The following TDO2 variants were observed in gnomAD, a reference collection of about 807,000 sequenced individuals.
TDO2 encodes tryptophan 2,3-dioxygenase, also known as tryptamin 2,3-dioxygenase.
In TDO2, 63 loss-of-function variants were observed where a neutral mutation model predicts 61.2. That is an observed-to-expected ratio of 1.03 (90% CI 0.84 to 1.27). TDO2 has a LOEUF of 1.27. Ranked by LOEUF, TDO2 falls within the 50% of genes most tolerant of loss-of-function variation. The probability of loss-of-function intolerance (pLI) is 0.00; values close to 1 mark genes in which losing one functional copy is unlikely to be tolerated. For synonymous variants in TDO2, 183 were observed against 164.0 expected, an observed-to-expected ratio of 1.12 and a Z score of -0.89; for missense variants, 494 against 469.5, an observed-to-expected ratio of 1.05 and a Z score of -0.48.
intron 11 of TDO2, 41 bp from the exon 12 acceptor site, chr4:155,919,796 A>G (rs932177359): frequency 3.1e-5 from 48 of 1,534,982 alleles, no homozygotes; most frequent in South Asian, 3.8e-5. Context: ...TAAATATTTC[A>G]TGTCAACCAA....
rs1276168500 is a variant in TDO2, at chr4:155,908,873, T to C, written c.304-14T>C. 6 of 1,606,934 alleles carry C rather than the reference T, an allele frequency of 3.7e-6. No individual in the cohort carries two copies. In the African/African-American group the frequency reaches 6.7e-5, roughly 18 times the overall value. On this transcript the variant is annotated splice_polypyrimidine_tract_variant and intron_variant, in intron 4 of 11. Transcript: ENST00000536354. Reference sequence around the variant, plus strand: ...CAGCATTGCTAACTCAGTGTTTCATTTCTTAACCTTCAGGTCAGAGATGAA... The same window carrying C: ...CAGCATTGCTAACTCAGTGTTTCATCTCTTAACCTTCAGGTCAGAGATGAA...
At chr4:155,913,907 A>G (rs1440141989) in intron 7 of TDO2, among the ~76,000 whole-genome samples, 1 of 152,158 alleles carries the variant, frequency 6.6e-6, no homozygotes, top group African/African-American at 2.4e-5. Context: ...AACACTGAAT[A>G]TAGAACATAG....
chr4:155,916,995 CA>C (rs549116374), intron 9 of TDO2, among the ~76,000 whole-genome samples: 6 of 151,154 alleles, frequency 4.0e-5, no homozygotes, highest in East Asian at 3.9e-4. Flanking sequence ...AAAAACAAAA[CA>C]AAAAAACAAA....
At chr4:155,912,777 C>T (rs1742857861) in intron 7 of TDO2, among the ~76,000 whole-genome samples, 1 of 152,088 alleles carries the variant, frequency 6.6e-6, no homozygotes, top group Non-Finnish European at 1.5e-5. Context: ...CCTTAGATTT[C>T]AGAACATGTA....
chr4:155,914,172 T>G (rs370056897), intron 7 of TDO2, 151 bp from the exon 8 acceptor site: 1 of 570,244 alleles, frequency 1.8e-6, no homozygotes. Flanking sequence ...TCATAAGACA[T>G]AATTTCCAAA....
chr4:155,919,909 G>T lies in TDO2; in HGVS notation c.1140G>T (p.Lys380Asn). ...TGATTCCCCGACACTGGATACCGAAGATGAACCCAACCATTCACAAATTTC... is the reference window on the plus strand; with the variant it reads ...TGATTCCCCGACACTGGATACCGAATATGAACCCAACCATTCACAAATTTC... The part of the protein sequence containing the change: ...TYLIPRHWIP[K>N]MNPTIHKFLY... Residue 380 changes from lysine (K) to asparagine (N), a missense_variant, in exon 12 of 12, where the codon AAG becomes AAT. Coordinates refer to ENST00000536354, the MANE Select transcript of TDO2 (RefSeq NM_005651.4). 3.1e-6 allele frequency: 5 copies of T among 1,613,668 alleles called. No homozygotes were observed. The South Asian group carries it at 5.5e-5, about 18-fold the overall frequency.
chr4:155,911,648 T>A (rs746731301), intron 7 of TDO2, 44 bp downstream of exon 7: 1 of 1,283,388 alleles, frequency 7.8e-7, no homozygotes, highest in South Asian at 1.7e-5. Flanking sequence ...TACAGAAATA[T>A]TCAAAATTTT....
chr4:155,906,846 T>C (rs1416919699), intron 3 of TDO2: 3 of 152,314 alleles, frequency 2.0e-5, no homozygotes, highest in Non-Finnish European at 2.9e-5. Context: ...ATTTTGCAAA[T>C]GAATCAACTG....
intron 8 of TDO2, among the ~76,000 whole-genome samples, 170 bp from the exon 9 acceptor site, chr4:155,915,682 ATTT>A (rs1349639496): frequency 1.3e-5 from 2 of 152,184 alleles, no homozygotes; most frequent in Non-Finnish European, 2.9e-5. Context: ...TTAAAATTGT[ATTT>A]TAAGTGATAT....
Position 155,917,486 on chromosome 4 carries a change from C to G in TDO2, c.976+12C>G, listed in dbSNP as rs1427318653. The G allele has an allele frequency of 1.9e-6, 3 of 1,599,028 alleles. No individual in the cohort carries two copies. The highest frequency in any genetic ancestry group is 2.6e-6 in the Non-Finnish European group (3 of 1,173,228). On this transcript the variant is annotated intron_variant, in intron 10 of 11. Coordinates refer to ENST00000536354, the MANE Select transcript of TDO2 (RefSeq NM_005651.4). Reference sequence around the variant, plus strand: ...GACCAAATGGAGATGTAAGTCCTTCCCACTCACCCCATGTTGCTTCCCCAC... The same window carrying G: ...GACCAAATGGAGATGTAAGTCCTTCGCACTCACCCCATGTTGCTTCCCCAC...
chr4:155,911,662 T>TG, intron 7 of TDO2, 58 bp downstream of exon 7: 1 of 1,221,610 alleles, frequency 8.2e-7, no homozygotes. Flanking sequence ...AAATTTTATT[T>TG]TAATTATTTT....
At chr4:155,918,316 A>T (rs1430643388) in intron 11 of TDO2, 77 bp downstream of exon 11, 1 of 1,349,176 alleles carries the variant, frequency 7.4e-7, no homozygotes, top group Non-Finnish European at 1.0e-6. Flanking sequence ...TTTGCTATCT[A>T]AAAAAAGCCA....
At position 155,917,407 on chromosome 4, in the gene TDO2, G is replaced by A. The variant is rs532390184; in HGVS notation, c.909G>A (p.Arg303=). Reference sequence around the variant, plus strand: ...TTTTTTCCTTTAGGGAAGAGCCTAGGTTCCAGGTGCCTTTTCAGTTGCTGA... The same window carrying A: ...TTTTTTCCTTTAGGGAAGAGCCTAGATTCCAGGTGCCTTTTCAGTTGCTGA... The part of the protein sequence containing the change: ...LMIYFYREEP[R]FQVPFQLLTS... Residue 303 remains arginine (R), a synonymous_variant, in exon 10 of 12, where the codon AGG becomes AGA. Coordinates refer to ENST00000536354, the MANE Select transcript of TDO2 (RefSeq NM_005651.4). The A allele has an allele frequency of 3.7e-6, 6 of 1,610,016 alleles. No homozygotes were observed. Among genetic ancestry groups the A allele is most frequent in the Admixed American group, 3.4e-5 (2 of 59,144 alleles).
chr4:155,905,737 A>G (rs1742707143), intron 3 of TDO2: 1 of 152,250 alleles, frequency 6.6e-6, no homozygotes, highest in Non-Finnish European at 1.5e-5. Context: ...AAATATTAGT[A>G]ACATTTACTT....
chr4:155,918,183 C>A lies in TDO2; in HGVS notation c.1011C>A (p.Gly337=). Residue 337 remains glycine, a synonymous_variant, in exon 11 of 12, where the codon GGC becomes GGA. Coordinates refer to ENST00000536354, the MANE Select transcript of TDO2 (RefSeq NM_005651.4). ...NHVCMVHRML[G]SKAGTGGSSG... ...TGTGCATGGTGCACAGAATGCTGGG[C>A]AGCAAAGCTGGCACCGGTGGTTCCT... The A allele has an allele frequency of 6.2e-7, 1 of 1,614,058 alleles. No homozygotes were observed. The highest frequency in any genetic ancestry group is 1.1e-5 in the South Asian group (1 of 91,080).
chr4:155,911,389 G>T, intron 6 of TDO2, 108 bp from the exon 7 acceptor site: 3 of 653,110 alleles, frequency 4.6e-6, no homozygotes, highest in Admixed American at 3.4e-5. Flanking sequence ...TGTAGCATAT[G>T]TTTCTGGAAA....
chr4:155,909,783 A>G (rs1340916445), intron 5 of TDO2, among the ~76,000 whole-genome samples: 1 of 150,840 alleles, frequency 6.6e-6, no homozygotes. Context: ...AATCTCTTAC[A>G]ATAGAAGAAA....
chr4:155,914,873 T>C (rs188645364), intron 8 of TDO2, among the ~76,000 whole-genome samples: 123 of 152,326 alleles, frequency 8.1e-4, no homozygotes, highest in Non-Finnish European at 1.5e-3. Context: ...AGGCCTTTTA[T>C]GATCTCATAT....
intron 9 of TDO2, among the ~76,000 whole-genome samples, chr4:155,917,010 A>G (rs1365201434): frequency 6.6e-6 from 1 of 152,202 alleles, no homozygotes; most frequent in Non-Finnish European, 1.5e-5. Context: ...AAACAAATAG[A>G]TGAAAAGAAA....
Sources: allele counts gnomAD v4.1 joint callset (sites outside exome capture counted in the v4.1 genomes callset), GRCh38; gene constraint gnomAD v4.1.1; transcripts MANE v1.5; gene names NCBI Gene and HGNC (gene_info 2026-07-23, HGNC 2026-07-21).